The following SMAD2 variants were observed in gnomAD, a reference collection of about 807,000 sequenced individuals.
The protein encoded by SMAD2 is MAD homolog 2.
SMAD2 carries 8 observed loss-of-function variants against 64.4 expected under a neutral mutation model. The observed-to-expected ratio is 0.12, with a 90% CI of 0.07 to 0.22. SMAD2 has a LOEUF of 0.22. SMAD2 is among the 10% of genes least tolerant of loss of function. SMAD2 has a pLI of 1.00. For missense variants in SMAD2, 289 were observed against 561.2 expected (o/e 0.51, Z 4.90); for synonymous variants, 203 against 195.8 (o/e 1.04, Z -0.31).
intron 1 of SMAD2, among the ~76,000 whole-genome samples, chr18:47,918,179 C>T (rs772872621): frequency 2.6e-5 from 4 of 152,178 alleles, no homozygotes; most frequent in Non-Finnish European, 4.4e-5. Flanking sequence ...TAATCCTCTG[C>T]CTCAACGTTT....
At chr18:47,854,287 A>G (rs1336371993) in intron 6 of SMAD2, among the ~76,000 whole-genome samples, 1 of 152,216 alleles carries the variant, frequency 6.6e-6, no homozygotes, top group Admixed American at 6.5e-5. Context: ...GTATCTTCGC[A>G]TACAAATTCA....
intron 1 of SMAD2, among the ~76,000 whole-genome samples, chr18:47,926,251 T>A (rs1161562801): frequency 2.6e-5 from 4 of 152,196 alleles, no homozygotes; most frequent in Non-Finnish European, 5.9e-5. Flanking sequence ...TTAAGAACAT[T>A]TCTTAATCAT....
At position 47,835,596 on chromosome 18, in the gene SMAD2, T is replaced by C; in HGVS notation, c.*6231A>G. ...CAAATGCTAAAAACCAGCTTTATAA[T>C]AACAGCATTATAAAGGATAGAACTT... On this transcript the variant is annotated 3_prime_UTR_variant, in exon 11 of 11. Transcript: ENST00000262160. The C allele has an allele frequency of 5.1e-6, 1 of 194,562 alleles. No homozygotes were observed. Among genetic ancestry groups the C allele is most frequent in the Non-Finnish European group, 1.1e-5 (1 of 93,324 alleles). The allele number at this position is 194,562 out of a possible 1,614,324, so 12.1% of individuals were successfully genotyped here. A position where few individuals can be genotyped will look rare whatever the true frequency, so the allele number is the denominator to read the frequency against.
intron 9 of SMAD2, 72 bp from the exon 10 acceptor site, chr18:47,845,556 A>G: frequency 6.3e-7 from 1 of 1,576,020 alleles, no homozygotes; most frequent in Middle Eastern, 1.7e-4. Context: ...AAAGGGTTAC[A>G]AGTTTTAGAA....
rs1388512444 is a variant in SMAD2 at position 47,840,070 on chromosome 18, A to T, written c.*1757T>A. Reference sequence around the variant, plus strand: ...AAAAGTTCCTGGTACAAACAGGTGAACAATAAATATTTGTTGAATGAATAA... The same window carrying T: ...AAAAGTTCCTGGTACAAACAGGTGATCAATAAATATTTGTTGAATGAATAA... On this transcript the variant is annotated 3_prime_UTR_variant, in exon 11 of 11. Transcript: ENST00000262160. 4 of 233,262 alleles carry T rather than the reference A, an allele frequency of 1.7e-5. No individual in the cohort carries two copies. Among genetic ancestry groups the T allele is most frequent in the Admixed American group, 1.1e-4 (2 of 17,800 alleles). 14.4% of individuals were successfully genotyped at this position (233,262 alleles called of 1,614,324 possible).
chr18:47,845,897 G>GT, intron 8 of SMAD2, 97 bp from the exon 9 acceptor site: 1 of 1,052,654 alleles, frequency 9.5e-7, no homozygotes, highest in Non-Finnish European at 1.5e-6. Context: ...ATGATATAAG[G>GT]TATTTCCAGG....
chr18:47,851,958 A>C (rs951440853), intron 6 of SMAD2, among the ~76,000 whole-genome samples: 1 of 152,204 alleles, frequency 6.6e-6, no homozygotes, highest in African/African-American at 2.4e-5. Context: ...ATTTGGGTAA[A>C]ATTATCATTC....
At chr18:47,851,561 T>C (rs1349502182) in intron 6 of SMAD2, among the ~76,000 whole-genome samples, 1 of 152,126 alleles carries the variant, frequency 6.6e-6, no homozygotes, top group African/African-American at 2.4e-5. Flanking sequence ...AGCCCAACAG[T>C]TCATCTTCCC....
intron 2 of SMAD2, among the ~76,000 whole-genome samples, chr18:47,877,541 G>T (rs987058886): frequency 6.6e-6 from 1 of 151,944 alleles, no homozygotes; most frequent in African/African-American, 2.4e-5. Context: ...AAATATAATT[G>T]AAAGACACAA....
rs1234373419 is a variant in SMAD2, at chr18:47,823,435, T to C, written c.*18392A>G. On this transcript the variant is annotated 3_prime_UTR_variant, in exon 11 of 11. Transcript: ENST00000262160. ...CAGCTCTGTACCGTTTTGAAACTCC[T>C]GTTATCCACCTGCAGACTGGATTTG... 6.6e-6 allele frequency: 1 copy of C among 152,044 alleles called. No homozygotes were observed. The highest frequency in any genetic ancestry group is 6.5e-5 in the Admixed American group (1 of 15,282). The allele number at this position is 152,044 out of a possible 1,614,324, so 9.4% of individuals were successfully genotyped here.
intron 5 of SMAD2, 157 bp downstream of exon 5, chr18:47,868,166 T>C (rs1262751218): frequency 5.9e-6 from 4 of 678,200 alleles, no homozygotes; most frequent in South Asian, 3.3e-5. Flanking sequence ...ACTAGGCTTA[T>C]ACATTTCACA....
At chr18:47,881,951 C>T (rs1241295791) in intron 2 of SMAD2, among the ~76,000 whole-genome samples, 1 of 151,200 alleles carries the variant, frequency 6.6e-6, no homozygotes, top group African/African-American at 2.4e-5. Context: ...GATCACTGCT[C>T]ACTGCAGGTT....
At position 47,851,305 on chromosome 18, in the gene SMAD2, A is replaced by C; in HGVS notation, c.753T>G (p.Pro251=). The C allele has an allele frequency of 6.2e-7, 1 of 1,609,878 alleles. No homozygotes were observed. Among genetic ancestry groups the C allele is most frequent in the Non-Finnish European group, 8.5e-7 (1 of 1,176,548 alleles). The change falls in exon 7 of 11, where the codon CCT becomes CCG. Residue 251 remains proline (P), a synonymous_variant. Coordinates refer to ENST00000262160, the MANE Select transcript of SMAD2 (RefSeq NM_005901.6). ...TATGATTAACAGGGGAAAGAGTAGT[A>C]GGAGATAGTTCTGCTGGAGAGCCTA... ...MDTGSPAELS[P]TTLSPVNHSL... is the part of the protein sequence containing the mutation.
At chr18:47,851,229 G>A (rs2030034796) in intron 7 of SMAD2, 45 bp downstream of exon 7, 1 of 1,284,808 alleles carries the variant, frequency 7.8e-7, no homozygotes, top group Admixed American at 1.7e-5. Context: ...TATTAAGTAG[G>A]TGATACAGTA....
chr18:47,926,502 A>G (rs1026392828), intron 1 of SMAD2, among the ~76,000 whole-genome samples: 1 of 151,784 alleles, frequency 6.6e-6, no homozygotes, highest in African/African-American at 2.4e-5. Flanking sequence ...CTAACATCCT[A>G]CTCCCCAGCC....
At chr18:47,880,896 T>G (rs1332494996) in intron 2 of SMAD2, among the ~76,000 whole-genome samples, 2 of 152,154 alleles carry the variant, frequency 1.3e-5, no homozygotes, top group Non-Finnish European at 2.9e-5. Context: ...GCAGGTGATT[T>G]TGGCAAAGTT....
chr18:47,820,891 C>T lies in SMAD2; in HGVS notation c.*20936G>A, dbSNP rs1912546515. 7.8e-6 allele frequency: 1 copy of T among 128,224 alleles called. No individual in the cohort carries two copies. 7.9% of individuals were successfully genotyped at this position (128,224 alleles called of 1,614,324 possible). ...CACGATAGTGTAAATGCTATACATG[C>T]ACTATACACACACACACACACACAC... On this transcript the variant is annotated 3_prime_UTR_variant, in exon 11 of 11. Coordinates refer to ENST00000262160, the MANE Select transcript of SMAD2 (RefSeq NM_005901.6).
intron 2 of SMAD2, among the ~76,000 whole-genome samples, chr18:47,877,345 A>T (rs1401080945): frequency 6.6e-6 from 1 of 152,104 alleles, no homozygotes; most frequent in Non-Finnish European, 1.5e-5. Context: ...CTTCTAGGGG[A>T]GTAATCTGTA....
At chr18:47,912,603 G>GAA (rs1469052539) in intron 1 of SMAD2, 1 of 152,202 alleles carries the variant, frequency 6.6e-6, no homozygotes. Flanking sequence ...GTGTCTTGAA[G>GAA]AAAAGCAGAG....
Sources: allele counts gnomAD v4.1 joint callset (sites outside exome capture counted in the v4.1 genomes callset), GRCh38; gene constraint gnomAD v4.1.1; transcripts MANE v1.5; gene names NCBI Gene and HGNC (gene_info 2026-07-23, HGNC 2026-07-21).